Variants in JARID2 observed in about 807,000 individuals in gnomAD.
The protein encoded by JARID2 is jumonji and AT-rich interaction domain containing 2.
A neutral mutation model predicts 125.6 loss-of-function variants in JARID2; 21 were observed. The observed-to-expected ratio is 0.17, with a 90% CI of 0.12 to 0.24. The LOEUF is 0.24. Among genes scored for constraint, JARID2 ranks in the 10% least tolerant of loss-of-function variants. The probability of loss-of-function intolerance (pLI) is 1.00; values close to 1 mark genes in which losing one functional copy is unlikely to be tolerated. For missense variants in JARID2, 1,303 were observed against 1,639.6 expected (o/e 0.79, Z 3.55); for synonymous variants, 736 against 661.6 (o/e 1.11, Z -1.73).
Position 15,496,436 on chromosome 6 carries a change from T to C in JARID2, c.1211T>C (p.Val404Ala). The change falls in exon 7 of 18, where the codon GTC becomes GCC. Residue 404 changes from valine (V) to alanine (A), a missense_variant. Val to Ala is a moderately conservative substitution (Grantham distance 64). This residue lies in a region of JARID2 where 651 missense variants were observed against 581.6 expected (regional missense o/e 1.12). Coordinates refer to ENST00000341776, the MANE Select transcript of JARID2 (RefSeq NM_004973.4). ...GGASKSTGPAVNGLKVSGRLN... is the reference protein window; with the variant it reads ...GGASKSTGPAANGLKVSGRLN... ...GCGTCCAAGTCCACTGGGCCCGCCG[T>C]CAATGGCCTCAAGGTCAGTGGCAGG... The C allele has an allele frequency of 1.2e-6, 2 of 1,613,248 alleles. No individual in the cohort carries two copies. Among genetic ancestry groups the C allele is most frequent in the Non-Finnish European group, 8.5e-7 (1 of 1,179,776 alleles).
rs146427049 is a variant in JARID2 at position 15,417,315 on chromosome 6, TG to T, written c.323+6951del. ...TTGTGTTATATAATGCAACAGGTAT[TG>T]TATCATACCTGTTGGGCAGGTTATA... On this transcript the variant is annotated intron_variant, in intron 3 of 17. Coordinates refer to ENST00000341776, the MANE Select transcript of JARID2 (RefSeq NM_004973.4). Among the ~76,000 whole-genome samples the T allele has an allele frequency of 7.2e-3, 1,093 of 152,274 alleles. 12 individuals are homozygous for T. Among genetic ancestry groups the T allele is most frequent in the African/African-American group, 0.025 (1,039 of 41,552 alleles).
intron 3 of JARID2, among the ~76,000 whole-genome samples, chr6:15,421,065 C>G (rs1407002079): frequency 1.3e-5 from 2 of 152,170 alleles, no homozygotes; most frequent in African/African-American, 4.8e-5. Context: ...TGTGCTCTGC[C>G]TTACACATTA....
chr6:15,362,787 G>A (rs769527043), intron 1 of JARID2, among the ~76,000 whole-genome samples: 8 of 152,190 alleles, frequency 5.3e-5, no homozygotes, highest in Admixed American at 2.6e-4. Flanking sequence ...TTAGTTGGTG[G>A]TAGAGACATT....
At chr6:15,465,099 C>T (rs548602258) in intron 4 of JARID2, among the ~76,000 whole-genome samples, 3 of 152,222 alleles carry the variant, frequency 2.0e-5, no homozygotes, top group South Asian at 2.1e-4. Context: ...TCGTATTTGC[C>T]GAGGAGCCAT....
chr6:15,413,009 T>TTTG (rs1765961007), intron 3 of JARID2, among the ~76,000 whole-genome samples: 2 of 43,722 alleles, frequency 4.6e-5, no homozygotes, highest in East Asian at 9.0e-4. Context: ...TGTGTTTTTG[T>TTTG]TTTTTTTTTT....
intron 1 of JARID2, among the ~76,000 whole-genome samples, chr6:15,372,680 A>C (rs1019800923): frequency 6.6e-6 from 1 of 151,396 alleles, no homozygotes; most frequent in Non-Finnish European, 1.5e-5. Flanking sequence ...TAAGGCCCAA[A>C]GTATCTGTAT....
intron 5 of JARID2, among the ~76,000 whole-genome samples, chr6:15,485,534 T>A (rs964998008): frequency 4.6e-5 from 7 of 152,224 alleles, no homozygotes; most frequent in Non-Finnish European, 1.0e-4. Flanking sequence ...ATCTTACATA[T>A]TCTTAGCACA....
Position 15,410,204 on chromosome 6 carries a change from T to C in JARID2, c.182-20T>C. On this transcript the variant is annotated intron_variant, in intron 2 of 17. Transcript: ENST00000341776. ...CTGATGTGATGTATTTAAGTGTTTG[T>C]CCCCTTTTCTCACCTGTAGGGCTCC... 6.2e-7 allele frequency: 1 copy of C among 1,610,096 alleles called. No homozygotes were observed. The highest frequency in any genetic ancestry group is 8.5e-7 in the Non-Finnish European group (1 of 1,177,076).
intron 1 of JARID2, among the ~76,000 whole-genome samples, chr6:15,302,268 T>C (rs1761651673): frequency 6.6e-6 from 1 of 151,906 alleles, no homozygotes; most frequent in Non-Finnish European, 1.5e-5. Context: ...ATACAAAAAT[T>C]AGTTGGGCGT....
At chr6:15,485,002 T>G (rs1769798418) in intron 5 of JARID2, among the ~76,000 whole-genome samples, 1 of 152,220 alleles carries the variant, frequency 6.6e-6, no homozygotes, top group African/African-American at 2.4e-5. Flanking sequence ...GATGTTGCTT[T>G]TAATTTGTCT....
intron 1 of JARID2, among the ~76,000 whole-genome samples, chr6:15,273,212 C>CAA (rs1334218212): frequency 6.6e-6 from 1 of 152,060 alleles, no homozygotes; most frequent in Admixed American, 6.6e-5. Flanking sequence ...TTTTAAAATA[C>CAA]CTGAGTTTTA....
intron 1 of JARID2, among the ~76,000 whole-genome samples, chr6:15,287,756 G>C (rs1344173582): frequency 6.6e-6 from 1 of 152,152 alleles, no homozygotes; most frequent in Non-Finnish European, 1.5e-5. Flanking sequence ...TTTCCTCGAG[G>C]AGACATGTCT....
At chr6:15,432,111 A>C (rs534716318) in intron 3 of JARID2, among the ~76,000 whole-genome samples, 1 of 152,058 alleles carries the variant, frequency 6.6e-6, no homozygotes, top group South Asian at 2.1e-4. Context: ...GAAAAAAAAA[A>C]AACACAGATT....
chr6:15,520,109 T>C lies in JARID2; in HGVS notation c.3599T>C (p.Val1200Ala), dbSNP rs554779374. 3 of 1,613,530 alleles carry C rather than the reference T, an allele frequency of 1.9e-6. No homozygotes were observed. The highest frequency in any genetic ancestry group is 2.2e-5 in the East Asian group (1 of 44,830). Residue 1200 changes from valine (V) to alanine (A), a missense_variant, in exon 18 of 18, where the codon GTG (valine) becomes GCG (alanine). By Grantham distance (64) the Val-to-Ala change is moderately conservative. Transcript: ENST00000341776. The stretch of plus-strand genomic sequence containing the variant: ...CTGGTCAATCAGATCTGCGGCAAAG[T>C]GTCTGGTAAAAACGGCAGCATTGAG... Reference protein sequence around the residue: ...ISLVNQICGKVSGKNGSIENC... With the variant: ...ISLVNQICGKASGKNGSIENC...
Position 15,487,537 on chromosome 6 carries a change from A to C in JARID2, c.901A>C (p.Lys301Gln). 2 of 1,603,810 alleles carry C rather than the reference A, an allele frequency of 1.2e-6. No individual in the cohort carries two copies. The highest frequency in any genetic ancestry group is 1.7e-5 in the Admixed American group (1 of 59,184). The change falls in exon 6 of 18, where the codon AAA becomes CAA. Residue 301 changes from lysine (K) to glutamine (Q), a missense_variant. By Grantham distance (53) the Lys-to-Gln change is moderately conservative. Transcript: ENST00000341776. Reference protein sequence around the residue: ...PLHRSAQDLRKQVSKVNGVTR... With the variant: ...PLHRSAQDLRQQVSKVNGVTR... ...GCATCGGTCGGCTCAGGACTTACGG[A>C]AACAGGTAAAGTCCAGCAGGGGTGC...
chr6:15,307,835 T>C (rs1429123498), intron 1 of JARID2, among the ~76,000 whole-genome samples: 1 of 152,246 alleles, frequency 6.6e-6, no homozygotes, highest in African/African-American at 2.4e-5. Flanking sequence ...GAGCCTAGTT[T>C]CATCTAATTT....
rs200263166 is a variant in JARID2 at position 15,520,197 on chromosome 6, C to T, written c.3687C>T (p.Pro1229=). The change falls in exon 18 of 18, where the codon CCC becomes CCT. Residue 1229 remains proline, a synonymous_variant. Transcript: ENST00000341776. ...GCAAGAGAGCGACAGTGGACGTGCCCCCCTCCCGTCTGTCAGCCTCCAGTT... is the reference window on the plus strand; with the variant it reads ...GCAAGAGAGCGACAGTGGACGTGCCTCCCTCCCGTCTGTCAGCCTCCAGTT... ...GPRKRATVDV[P]PSRLSASSSS... is the part of the protein sequence containing the mutation. 188 of 1,613,490 alleles carry T rather than the reference C, an allele frequency of 1.2e-4. No individual in the cohort carries two copies. The highest frequency in any genetic ancestry group is 8.5e-4 in the South Asian group (77 of 90,980).
At chr6:15,332,381 C>T (rs1762738579) in intron 1 of JARID2, among the ~76,000 whole-genome samples, 1 of 152,168 alleles carries the variant, frequency 6.6e-6, no homozygotes, top group African/African-American at 2.4e-5. Context: ...CCATCCAAGA[C>T]TCCCAGTGTT....
intron 1 of JARID2, among the ~76,000 whole-genome samples, chr6:15,268,835 A>G (rs1332066503): frequency 6.6e-6 from 1 of 152,240 alleles, no homozygotes; most frequent in Middle Eastern, 3.2e-3. Flanking sequence ...TAAAAGCATT[A>G]GTGAGACTAC....
Sources: allele counts gnomAD v4.1 joint callset (sites outside exome capture counted in the v4.1 genomes callset), GRCh38; gene constraint gnomAD v4.1.1; regional missense constraint gnomAD v4.1.1; transcripts MANE v1.5; gene names NCBI Gene and HGNC (gene_info 2026-07-23, HGNC 2026-07-21).